Variants in GRXCR1 observed in about 807,000 individuals in gnomAD.
The protein encoded by GRXCR1 is glutaredoxin and cysteine rich domain containing 1, also known as glutaredoxin domain-containing cysteine-rich protein 1.
Under a neutral mutation model 27.3 loss-of-function variants are expected in GRXCR1, and 27 were observed. That is an observed-to-expected ratio of 0.99 (90% CI 0.73 to 1.37). GRXCR1 has a LOEUF of 1.37. GRXCR1 is among the 40% of genes most tolerant of loss of function. GRXCR1 has a pLI of 0.00. For synonymous variants in GRXCR1, 122 were observed against 131.1 expected (o/e 0.93, Z 0.47); for missense variants, 379 against 354.4 (o/e 1.07, Z -0.56).
rs1217008804 is a variant in GRXCR1 at position 42,893,387 on chromosome 4, T to A, written c.121T>A (p.Ser41Thr). 1 of 1,613,718 alleles carries A rather than the reference T, an allele frequency of 6.2e-7. No homozygotes were observed. Among genetic ancestry groups the A allele is most frequent in the Non-Finnish European group, 8.5e-7 (1 of 1,179,838 alleles). Residue 41 changes from serine (S) to threonine (T), a missense_variant, in exon 1 of 4, where the codon TCT becomes ACT. Transcript: ENST00000399770. ...GTATGAAGATGGGCAACCGTCAGGC[T>A]CTCTGGATTCTGAATGTGCCAGTAT... ...EVYEDGQPSGSLDSECASICG... is the reference protein window; with the variant it reads ...EVYEDGQPSGTLDSECASICG...
intron 1 of GRXCR1, among the ~76,000 whole-genome samples, chr4:42,923,943 T>C (rs1747082514): frequency 6.6e-6 from 1 of 152,076 alleles, no homozygotes; most frequent in Non-Finnish European, 1.5e-5. Flanking sequence ...GAATTCACTC[T>C]ATTTTATATT....
chr4:42,914,591 G>C (rs1746843208), intron 1 of GRXCR1, among the ~76,000 whole-genome samples: 1 of 152,142 alleles, frequency 6.6e-6, no homozygotes, highest in African/African-American at 2.4e-5. Context: ...TGGGACTTTG[G>C]ACTTGGACTT....
chr4:42,924,281 G>A (rs1471203837), intron 1 of GRXCR1, among the ~76,000 whole-genome samples: 1 of 152,022 alleles, frequency 6.6e-6, no homozygotes, highest in African/African-American at 2.4e-5. Flanking sequence ...AACAATGCTT[G>A]GATTGTATAA....
At chr4:43,021,332 C>A (rs944599347) in intron 3 of GRXCR1, among the ~76,000 whole-genome samples, 20 of 152,142 alleles carry the variant, frequency 1.3e-4, no homozygotes, top group Admixed American at 1.3e-3. Context: ...TCAGTTCTTC[C>A]AATATTCATT....
At chr4:42,940,448 C>T (rs73240028) in intron 1 of GRXCR1, among the ~76,000 whole-genome samples, 25,477 of 152,054 alleles carry the variant, frequency 0.17, 2,424 homozygotes, top group South Asian at 0.3. Context: ...CTAGTTTTAT[C>T]TTGTTGTAAG....
rs1215228338 is a variant in GRXCR1 at position 43,007,879 on chromosome 4, C to T, written c.628-12475C>T. Among the ~76,000 whole-genome samples the T allele has an allele frequency of 2.0e-5, 3 of 152,154 alleles. No individual in the cohort carries two copies. In the East Asian group the frequency reaches 5.8e-4, roughly 29 times the overall value. Reference sequence around the variant, plus strand: ...ATGTCTTTGGCTTTTACTCTCACACCTCATAATATCTTAACTGGCTAATTT... The same window carrying T: ...ATGTCTTTGGCTTTTACTCTCACACTTCATAATATCTTAACTGGCTAATTT... On this transcript the variant is annotated intron_variant, in intron 2 of 3. Transcript: ENST00000399770.
intron 1 of GRXCR1, among the ~76,000 whole-genome samples, chr4:42,953,683 T>C (rs574675067): frequency 1.1e-4 from 17 of 152,288 alleles, no homozygotes; most frequent in African/African-American, 3.4e-4. Context: ...TTTTTGATCA[T>C]TGTGTAATTA....
chr4:42,982,247 T>TA (rs1443310894), intron 2 of GRXCR1, among the ~76,000 whole-genome samples: 17 of 140,600 alleles, frequency 1.2e-4, no homozygotes, highest in African/African-American at 4.4e-4. Context: ...GATATTCCCT[T>TA]TCCTGTGTCC....
At chr4:42,901,401 C>T (rs1227048257) in intron 1 of GRXCR1, among the ~76,000 whole-genome samples, 1 of 152,140 alleles carries the variant, frequency 6.6e-6, no homozygotes. Context: ...CGGCAGAATT[C>T]ATTTCTTGCA....
chr4:43,022,998 A>T (rs530927205), intron 3 of GRXCR1, among the ~76,000 whole-genome samples: 2 of 152,308 alleles, frequency 1.3e-5, no homozygotes, highest in Admixed American at 6.5e-5. Flanking sequence ...TTAGGTAGTC[A>T]GTATTTGATT....
intron 3 of GRXCR1, among the ~76,000 whole-genome samples, chr4:43,027,927 G>T (rs1713306779): frequency 6.6e-6 from 1 of 152,236 alleles, no homozygotes; most frequent in Non-Finnish European, 1.5e-5. Context: ...TGACCAACAT[G>T]GTGAAACCCC....
At position 42,902,306 on chromosome 4, in the gene GRXCR1, T is replaced by C. The variant is rs574480366; in HGVS notation, c.384+8656T>C. ...TTTATGGAAAGAAGAGAAAGACAAATGATGCGAGAGTGGTTGTGATGCAGA... is the reference window on the plus strand; with the variant it reads ...TTTATGGAAAGAAGAGAAAGACAAACGATGCGAGAGTGGTTGTGATGCAGA... On this transcript the variant is annotated intron_variant, in intron 1 of 3. Coordinates refer to ENST00000399770, the MANE Select transcript of GRXCR1 (RefSeq NM_001080476.3). Among the ~76,000 whole-genome samples, 11 of 152,232 alleles carry C rather than the reference T, an allele frequency of 7.2e-5. No homozygotes were observed. In the South Asian group the frequency reaches 2.1e-3, roughly 29 times the overall value.
chr4:43,010,472 G>T (rs1024718305), intron 2 of GRXCR1, among the ~76,000 whole-genome samples: 2 of 151,890 alleles, frequency 1.3e-5, no homozygotes, highest in African/African-American at 4.8e-5. Flanking sequence ...TACTTGCAAG[G>T]GCTTTATCAC....
chr4:42,925,449 G>A (rs895366912), intron 1 of GRXCR1, among the ~76,000 whole-genome samples: 1 of 151,932 alleles, frequency 6.6e-6, no homozygotes, highest in African/African-American at 2.4e-5. Flanking sequence ...TGAATCAAAG[G>A]TTCATTTTAA....
intron 2 of GRXCR1, among the ~76,000 whole-genome samples, chr4:42,965,706 A>G (rs1748222154): frequency 6.6e-6 from 1 of 152,060 alleles, no homozygotes; most frequent in African/African-American, 2.4e-5. Context: ...TCATCTGCAC[A>G]ATACAATTTT....
chr4:42,930,620 T>G (rs530554037), intron 1 of GRXCR1, among the ~76,000 whole-genome samples: 8 of 152,000 alleles, frequency 5.3e-5, no homozygotes, highest in Non-Finnish European at 1.0e-4. Context: ...TAAAAAGTAT[T>G]GGTTTTCTTA....
At chr4:43,004,859 G>A (rs1018583326) in intron 2 of GRXCR1, among the ~76,000 whole-genome samples, 20 of 152,146 alleles carry the variant, frequency 1.3e-4, no homozygotes, top group African/African-American at 2.9e-4. Context: ...GGACATGGAC[G>A]TTTGAGTTAA....
chr4:42,982,980 G>A (rs1044164703), intron 2 of GRXCR1, among the ~76,000 whole-genome samples: 40 of 151,958 alleles, frequency 2.6e-4, no homozygotes, highest in African/African-American at 4.3e-4. Flanking sequence ...AGTAGGTTGC[G>A]AAAATTTTCT....
chr4:42,945,414 CT>C lies in GRXCR1; in HGVS notation c.385-17477del, dbSNP rs1307468737. Among the ~76,000 whole-genome samples, 4 of 152,156 alleles carry C rather than the reference CT, an allele frequency of 2.6e-5. No individual in the cohort carries two copies. The East Asian group carries it at 5.8e-4, about 22-fold the overall frequency. On this transcript the variant is annotated intron_variant, in intron 1 of 3. Coordinates refer to ENST00000399770, the MANE Select transcript of GRXCR1 (RefSeq NM_001080476.3). ...GAGATGGACAGTGAAAGTGGAAACACTGCCAAGACCCCTTTTCTTTTTTCCT... is the reference window on the plus strand; with the variant it reads ...GAGATGGACAGTGAAAGTGGAAACACGCCAAGACCCCTTTTCTTTTTTCCT...
Sources: gnomAD v4.1 joint callset for allele counts (sites outside exome capture counted in the v4.1 genomes callset) on GRCh38, gnomAD v4.1.1 for gene constraint, MANE v1.5 for transcripts, NCBI Gene and HGNC (gene_info 2026-07-23, HGNC 2026-07-21) for gene names.